The following SV2C variants were observed in gnomAD, a reference collection of about 807,000 sequenced individuals.
SV2C encodes the protein solute carrier family 22 member B3.
Under a neutral mutation model 79.7 loss-of-function variants are expected in SV2C, and 49 were observed. The observed-to-expected ratio is 0.61, with a 90% CI of 0.49 to 0.78. SV2C has a LOEUF of 0.78. Ranked by LOEUF, SV2C falls within the 30% of genes least tolerant of loss-of-function variation. The pLI is 0.00. For synonymous variants in SV2C, 334 were observed against 333.2 expected (o/e 1.00, Z -0.03); for missense variants, 833 against 912.9 (o/e 0.91, Z 1.13).
chr5:76,199,894 T>C (rs1213300259), intron 3 of SV2C, among the ~76,000 whole-genome samples: 3 of 152,244 alleles, frequency 2.0e-5, no homozygotes, highest in Non-Finnish European at 2.9e-5. Context: ...AAGGGGAGGC[T>C]GGGCCTCCTT....
the SV2C span, among the ~76,000 whole-genome samples, chr5:75,882,201 A>G: frequency 1.9e-3 from 281 of 151,744 alleles, 2 homozygotes; most frequent in Non-Finnish European, 2.9e-3. Flanking sequence ...TTGGTTTGCC[A>G]GTATTTTATT....
intron 4 of SV2C, among the ~76,000 whole-genome samples, chr5:76,225,935 G>T (rs1368472220): frequency 2.6e-5 from 4 of 152,168 alleles, no homozygotes; most frequent in African/African-American, 9.7e-5. Context: ...GAAGCCAGAG[G>T]TGCTTCTAGG....
chr5:76,021,436 C>T, the SV2C span, among the ~76,000 whole-genome samples: 2 of 152,202 alleles, frequency 1.3e-5, no homozygotes, highest in Non-Finnish European at 2.9e-5. Flanking sequence ...TATTCAATTA[C>T]GATGGTACAG....
chr5:76,140,749 C>T (rs575741352), intron 2 of SV2C, among the ~76,000 whole-genome samples: 1 of 152,194 alleles, frequency 6.6e-6, no homozygotes, highest in Admixed American at 6.5e-5. Context: ...TTTTAAGACC[C>T]ATAACTTTTT....
chr5:76,074,142 G>A, the SV2C span, among the ~76,000 whole-genome samples: 86 of 152,256 alleles, frequency 5.6e-4, no homozygotes, highest in Non-Finnish European at 1.0e-3. Context: ...TGAGACACAC[G>A]AACAGGCAAA....
intron 10 of SV2C, 151 bp from the exon 11 acceptor site, chr5:76,300,578 C>T (rs1747955185): frequency 1.4e-6 from 1 of 696,440 alleles, no homozygotes; most frequent in Non-Finnish European, 2.4e-6. Context: ...ATGCTTTGGC[C>T]AGAAGACCCA....
At chr5:76,065,684 T>C in the SV2C span, among the ~76,000 whole-genome samples, 1 of 152,208 alleles carries the variant, frequency 6.6e-6, no homozygotes, top group Non-Finnish European at 1.5e-5. Flanking sequence ...GTTTTTCGCT[T>C]AATATAATTT....
Position 76,282,677 on chromosome 5 carries a change from A to G in SV2C, c.914-2485A>G, listed in dbSNP as rs535656533. Among the ~76,000 whole-genome samples, 6 of 152,240 alleles carry G rather than the reference A, an allele frequency of 3.9e-5. No individual in the cohort carries two copies. In the South Asian group the frequency reaches 6.2e-4, roughly 16 times the overall value. ...TTGTGTCCATGTTCATCTGAGTTCA[A>G]ATTTAATATTTAACTTTTCCTCCAC... is the stretch of plus-strand genomic sequence containing the variant. On this transcript the variant is annotated intron_variant, in intron 4 of 12. Coordinates refer to ENST00000502798, the MANE Select transcript of SV2C (RefSeq NM_014979.4).
chr5:75,854,433 C>T, the SV2C span, among the ~76,000 whole-genome samples: 1 of 152,132 alleles, frequency 6.6e-6, no homozygotes, highest in African/African-American at 2.4e-5. Flanking sequence ...TGTATAAAAA[C>T]TATCAAACTA....
the SV2C span, among the ~76,000 whole-genome samples, chr5:76,014,843 T>G: frequency 2.6e-5 from 4 of 152,196 alleles, no homozygotes; most frequent in Non-Finnish European, 5.9e-5. Context: ...CCCATCTGAT[T>G]GATGTAGAAA....
At chr5:75,879,690 G>C in the SV2C span, among the ~76,000 whole-genome samples, 1 of 152,216 alleles carries the variant, frequency 6.6e-6, no homozygotes, top group Admixed American at 6.5e-5. Context: ...CAAGCTGCCA[G>C]TGGATCTATC....
intron 3 of SV2C, 50 bp from the exon 4 acceptor site, chr5:76,209,686 C>T (rs1290405598): frequency 6.3e-7 from 1 of 1,577,826 alleles, no homozygotes; most frequent in Non-Finnish European, 8.6e-7. Flanking sequence ...TTGCGTCTCA[C>T]ATGAGCTGTC....
At chr5:75,999,243 A>C in the SV2C span, among the ~76,000 whole-genome samples, 2 of 152,058 alleles carry the variant, frequency 1.3e-5, no homozygotes, top group Non-Finnish European at 2.9e-5. Context: ...ACACAGCCAA[A>C]CCATATCAAT....
At chr5:75,855,892 T>C in the SV2C span, among the ~76,000 whole-genome samples, 1 of 152,160 alleles carries the variant, frequency 6.6e-6, no homozygotes, top group South Asian at 2.1e-4. Flanking sequence ...GAGTAGGTCT[T>C]ATTCATTCTA....
At chr5:75,902,465 A>G in the SV2C span, among the ~76,000 whole-genome samples, 4 of 151,828 alleles carry the variant, frequency 2.6e-5, no homozygotes, top group African/African-American at 7.3e-5. Context: ...CATCCCTTTC[A>G]CCTCTAGGTT....
the SV2C span, among the ~76,000 whole-genome samples, chr5:76,040,642 C>T: frequency 6.6e-6 from 1 of 152,088 alleles, no homozygotes; most frequent in Non-Finnish European, 1.5e-5. Context: ...TTTTAGACCC[C>T]AGTTGCTTCT....
the SV2C span, among the ~76,000 whole-genome samples, chr5:75,957,297 G>T: frequency 6.6e-6 from 1 of 151,996 alleles, no homozygotes; most frequent in South Asian, 2.1e-4. Flanking sequence ...GGTTCCCAGT[G>T]TATCTTTGTT....
chr5:75,894,530 T>C, the SV2C span, among the ~76,000 whole-genome samples: 3 of 152,092 alleles, frequency 2.0e-5, no homozygotes, highest in South Asian at 2.1e-4. Context: ...CAAAGCTCCA[T>C]TGACAGAGAA....
chr5:76,105,918 C>A (rs1308176029), intron 1 of SV2C, among the ~76,000 whole-genome samples: 1 of 152,140 alleles, frequency 6.6e-6, no homozygotes, highest in Non-Finnish European at 1.5e-5. Context: ...TCTCATCTTA[C>A]ACTAACAGTC....
Sources: gnomAD v4.1 joint callset for allele counts (sites outside exome capture counted in the v4.1 genomes callset) on GRCh38, gnomAD v4.1.1 for gene constraint, MANE v1.5 for transcripts, NCBI Gene and HGNC (gene_info 2026-07-23, HGNC 2026-07-21) for gene names.